Variants in KLF17 observed in about 807,000 individuals in gnomAD.
The protein encoded by KLF17 is KLF transcription factor 17.
A neutral mutation model predicts 34.2 loss-of-function variants in KLF17; 31 were observed. The observed-to-expected ratio is 0.91, with a 90% CI of 0.68 to 1.22. The LOEUF (loss-of-function observed/expected upper bound fraction) is 1.22, where lower values mean the gene tolerates loss of function less well. Among genes scored for constraint, KLF17 ranks in the 50% most tolerant of loss-of-function variants. KLF17 has a pLI of 0.00. For missense variants in KLF17, 478 were observed against 505.2 expected, an observed-to-expected ratio of 0.95 and a Z score of 0.52; for synonymous variants, 179 against 186.7, an observed-to-expected ratio of 0.96 and a Z score of 0.34.
chr1:44,060,314 A>G, the KLF17 span, among the ~76,000 whole-genome samples: 2 of 152,040 alleles, frequency 1.3e-5, no homozygotes, highest in Non-Finnish European at 2.9e-5. Flanking sequence ...CTAAAAATAC[A>G]AAAATTACCC....
chr1:44,127,809 T>G (rs1181782366), intron 1 of KLF17, among the ~76,000 whole-genome samples: 1 of 150,826 alleles, frequency 6.6e-6, no homozygotes, highest in Non-Finnish European at 1.5e-5. Flanking sequence ...TATCTTTTCT[T>G]TCTTGTGTTT....
At chr1:44,060,946 C>G in the KLF17 span, among the ~76,000 whole-genome samples, 1 of 152,196 alleles carries the variant, frequency 6.6e-6, no homozygotes, top group African/African-American at 2.4e-5. Flanking sequence ...GAGCAAGCTA[C>G]CTGGTTACGT....
chr1:44,084,407 G>T, the KLF17 span, among the ~76,000 whole-genome samples: 2 of 152,106 alleles, frequency 1.3e-5, no homozygotes, highest in Non-Finnish European at 2.9e-5. Context: ...GCCAGGTACA[G>T]TTGCTCACGC....
chr1:44,053,439 C>T, the KLF17 span, among the ~76,000 whole-genome samples: 1 of 152,052 alleles, frequency 6.6e-6, no homozygotes, highest in Non-Finnish European at 1.5e-5. Flanking sequence ...ACTTTGAAGC[C>T]TCTCCAGTCC....
At chr1:44,122,842 A>AC (rs945212347) in intron 1 of KLF17, among the ~76,000 whole-genome samples, 31 of 150,966 alleles carry the variant, frequency 2.1e-4, no homozygotes, top group African/African-American at 4.6e-4. Flanking sequence ...CAAGTGATCC[A>AC]CCCCCCTTGG....
chr1:44,129,135 C>T (rs1448182775), intron 1 of KLF17, among the ~76,000 whole-genome samples: 1 of 152,050 alleles, frequency 6.6e-6, no homozygotes, highest in Non-Finnish European at 1.5e-5. Context: ...AAAAACATGT[C>T]CAAGGGAAGG....
chr1:44,128,825 C>A (rs1227997244), intron 1 of KLF17, among the ~76,000 whole-genome samples: 1 of 152,062 alleles, frequency 6.6e-6, no homozygotes, highest in African/African-American at 2.4e-5. Context: ...CCAGCTTGAC[C>A]AACATGGAGA....
chr1:44,067,326 T>G, the KLF17 span, among the ~76,000 whole-genome samples: 1 of 152,118 alleles, frequency 6.6e-6, no homozygotes, highest in African/African-American at 2.4e-5. Flanking sequence ...TATCACAAGG[T>G]ATTAGGTACT....
intron 1 of KLF17, chr1:44,122,620 A>G (rs971261725): frequency 4.1e-5 from 27 of 659,778 alleles, no homozygotes; most frequent in Non-Finnish European, 4.7e-5. Flanking sequence ...TTTGAGATAG[A>G]GTCTCACTCT....
At chr1:44,125,870 T>C (rs543121847) in intron 1 of KLF17, among the ~76,000 whole-genome samples, 68 of 152,108 alleles carry the variant, frequency 4.5e-4, no homozygotes, top group Non-Finnish European at 3.2e-4. Context: ...TGGAAGTCTC[T>C]TCAGTGGGAA....
chr1:44,045,710 G>A, the KLF17 span, among the ~76,000 whole-genome samples: 1 of 152,116 alleles, frequency 6.6e-6, no homozygotes, highest in South Asian at 2.1e-4. Flanking sequence ...TCCAGGCCTG[G>A]TCTTACCCAC....
the KLF17 span, among the ~76,000 whole-genome samples, chr1:44,096,635 T>C: frequency 0.32 from 49,199 of 151,490 alleles, 8,137 homozygotes; most frequent in South Asian, 0.38. Flanking sequence ...CTCGTGACCT[T>C]GTGATCCGCT....
the KLF17 span, among the ~76,000 whole-genome samples, chr1:44,074,498 C>T: frequency 2.0e-5 from 3 of 152,276 alleles, no homozygotes; most frequent in African/African-American, 7.2e-5. Flanking sequence ...TCCAGTCTGC[C>T]CACCCAGGGG....
chr1:44,076,500 A>T, the KLF17 span: 398 of 152,322 alleles, frequency 2.6e-3, no homozygotes, highest in African/African-American at 8.9e-3. Context: ...TTTCAAGAGG[A>T]TCTAGGTGAA....
the KLF17 span, among the ~76,000 whole-genome samples, chr1:44,054,192 C>G: frequency 2.6e-5 from 4 of 152,164 alleles, no homozygotes; most frequent in Non-Finnish European, 5.9e-5. Flanking sequence ...TTTTATCACT[C>G]AATCTGCCCC....
At chr1:44,131,469 G>T (rs188365818) in intron 3 of KLF17, among the ~76,000 whole-genome samples, 1 of 152,268 alleles carries the variant, frequency 6.6e-6, no homozygotes, top group East Asian at 1.9e-4. Flanking sequence ...ATGTGACCTT[G>T]AGAAAGTTCT....
At chr1:44,099,910 AAAGAAAGAAAAGAAAG>A in the KLF17 span, among the ~76,000 whole-genome samples, 8 of 64,966 alleles carry the variant, frequency 1.2e-4, 1 homozygote, top group Non-Finnish European at 2.8e-4. Context: ...AGAAAGAAAG[AAAGAAAGAAAAGAAAG>A]GGAGGGAGGG....
the KLF17 span, among the ~76,000 whole-genome samples, chr1:44,073,561 A>T: frequency 6.6e-6 from 1 of 151,856 alleles, no homozygotes. Flanking sequence ...ATTTCTGTGT[A>T]TTTCTGAGAT....
chr1:44,130,851 C>T lies in KLF17; in HGVS notation c.*95C>T, dbSNP rs374922150. 137 of 1,266,968 alleles carry T rather than the reference C, an allele frequency of 1.1e-4. 2 individuals carry two copies. The East Asian group carries it at 2.6e-3, about 24-fold the overall frequency. 78.5% of individuals were successfully genotyped at this position (1,266,968 alleles called of 1,614,324 possible). ...TCACTCTGTCTCCCAGGCTGGAGTG[C>T]AGTGGCGCAATTCGGTTCACTGCAC... On this transcript the variant is annotated intron_variant, in intron 3 of 3. Transcript: ENST00000372299.
Sources: gnomAD v4.1 joint callset for allele counts (sites outside exome capture counted in the v4.1 genomes callset) on GRCh38, gnomAD v4.1.1 for gene constraint, MANE v1.5 for transcripts, NCBI Gene and HGNC (gene_info 2026-07-23, HGNC 2026-07-21) for gene names.